Variants in TTL observed in about 807,000 individuals in gnomAD.
The protein encoded by TTL is tubulin--tyrosine ligase.
Under a neutral mutation model 41.1 loss-of-function variants are expected in TTL, and 10 were observed. The observed-to-expected ratio is 0.24, with a 90% confidence interval of 0.15 to 0.41. The LOEUF is 0.41. Among genes scored for constraint, TTL ranks in the 10% least tolerant of loss-of-function variants. TTL has a pLI of 1.00. For missense variants in TTL, 367 were observed against 460.4 expected (o/e 0.80, Z 1.86); for synonymous variants, 175 against 175.5 (o/e 1.00, Z 0.02).
chr2:112,487,381 G>C lies in TTL; in HGVS notation c.236+1386G>C, dbSNP rs528286050. ...TTAGAATGCAAATGACTGTTACATG[G>C]AATCAGGAATAGAAGTGGGACATGC... is the stretch of plus-strand genomic sequence containing the variant. On this transcript the variant is annotated intron_variant, in intron 2 of 6. Coordinates refer to ENST00000233336, the MANE Select transcript of TTL (RefSeq NM_153712.5). 5.3e-5 allele frequency among the ~76,000 whole-genome samples: 8 copies of C among 152,302 alleles called. 1 individual carries two copies. The Middle Eastern group carries it at 0.014, about 259-fold the overall frequency.
At chr2:112,528,204 C>T (rs1052885136) in intron 6 of TTL, among the ~76,000 whole-genome samples, 3 of 152,168 alleles carry the variant, frequency 2.0e-5, no homozygotes, top group Non-Finnish European at 4.4e-5. Context: ...ATAGGCTTCC[C>T]TTTGTGGGTA....
At chr2:112,490,180 C>T (rs974862979) in intron 2 of TTL, among the ~76,000 whole-genome samples, 4 of 152,126 alleles carry the variant, frequency 2.6e-5, no homozygotes, top group Non-Finnish European at 5.9e-5. Flanking sequence ...CTTTCAGAGG[C>T]CAAGGCAGGT....
rs1681741200 is a variant in TTL at position 112,502,949 on chromosome 2, C to G, written c.643C>G (p.Leu215Val). The G allele has an allele frequency of 6.2e-7, 1 of 1,613,930 alleles. No homozygotes were observed. The change falls in exon 5 of 7, where the codon CTC becomes GTC. Residue 215 changes from leucine (L) to valine (V), a missense_variant. By Grantham distance (32) the Leu-to-Val change is conservative. Coordinates refer to ENST00000233336, the MANE Select transcript of TTL (RefSeq NM_153712.5). ...VLVDHQYNIYLYREGVLRTAS... is the reference protein window; with the variant it reads ...VLVDHQYNIYVYREGVLRTAS... ...GGTGGATCATCAGTATAATATCTAC[C>G]TCTATAGAGAGGGTGTGCTTCGGAC...
intron 5 of TTL, among the ~76,000 whole-genome samples, chr2:112,503,805 C>CTTTTTTTTTTT (rs70963002): frequency 8.8e-5 from 9 of 102,546 alleles, no homozygotes; most frequent in Admixed American, 2.3e-4. Context: ...CCGTAAACTT[C>CTTTTTTTTTTT]TTTTTTTTTT....
chr2:112,528,640 T>C (rs1312131315), intron 6 of TTL, 41 bp from the exon 7 acceptor site: 31 of 1,545,398 alleles, frequency 2.0e-5, no homozygotes, highest in Admixed American at 3.4e-5. Context: ...GCTTGTACTT[T>C]GATGAACATC....
In TTL at chr2:112,502,978, T is replaced by G. The variant is rs151180080; in HGVS notation, c.672T>G (p.Ala224=). ...YLYREGVLRT[A]SEPYHVDNFQ... is the part of the protein sequence containing the mutation. ...ATAGAGAGGGTGTGCTTCGGACTGCTTCAGAACCATATCATGTTGATAATT... is the reference window on the plus strand; with the variant it reads ...ATAGAGAGGGTGTGCTTCGGACTGCGTCAGAACCATATCATGTTGATAATT... The change falls in exon 5 of 7, where the codon GCT becomes GCG. Residue 224 remains alanine, a synonymous_variant. Coordinates refer to ENST00000233336, the MANE Select transcript of TTL (RefSeq NM_153712.5). 19 of 1,614,102 alleles carry G rather than the reference T, an allele frequency of 1.2e-5. No homozygotes were observed. In the African/African-American group the frequency reaches 2.0e-4, roughly 17 times the overall value.
intron 2 of TTL, among the ~76,000 whole-genome samples, chr2:112,489,108 A>T (rs541355998): frequency 3.3e-4 from 51 of 152,352 alleles, no homozygotes; most frequent in Admixed American, 6.5e-4. Flanking sequence ...AAATTAATTT[A>T]AAAAACCCAA....
chr2:112,526,134 GC>G (rs1399707752), intron 6 of TTL, among the ~76,000 whole-genome samples: 3 of 152,212 alleles, frequency 2.0e-5, no homozygotes, highest in Non-Finnish European at 4.4e-5. Context: ...CAGGGATGAA[GC>G]CCACTTGATC....
chr2:112,528,709 A>T lies in TTL; in HGVS notation c.1048A>T (p.Ile350Phe), dbSNP rs1333920527. 2 of 1,613,364 alleles carry T rather than the reference A, an allele frequency of 1.2e-6. No homozygotes were observed. The highest frequency in any genetic ancestry group is 2.2e-5 in the East Asian group (1 of 44,878). ...GCTCTATGCAGAACTGTGCCAAGGC[A>T]TCGTGGACATAGCCATTTCCAGTGT... Reference protein sequence around the residue: ...QKLYAELCQGIVDIAISSVFP... With the variant: ...QKLYAELCQGFVDIAISSVFP... Residue 350 changes from isoleucine (I) to phenylalanine (F), a missense_variant, in exon 7 of 7, where the codon ATC becomes TTC. Physicochemically the swap from Ile to Phe is conservative, Grantham distance 21 (BLOSUM62 0). Coordinates refer to ENST00000233336, the MANE Select transcript of TTL (RefSeq NM_153712.5).
At chr2:112,495,974 AG>A (rs1468121007) in intron 3 of TTL, among the ~76,000 whole-genome samples, 3 of 152,252 alleles carry the variant, frequency 2.0e-5, no homozygotes, top group Non-Finnish European at 4.4e-5. Context: ...TGAGACAGGA[AG>A]GCCTCAACTG....
chr2:112,518,226 G>T (rs1399394861), intron 5 of TTL, among the ~76,000 whole-genome samples: 1 of 150,214 alleles, frequency 6.7e-6, no homozygotes, highest in African/African-American at 2.4e-5. Context: ...TGATCCATCT[G>T]CCTTGGCCTC....
At chr2:112,519,402 C>T (rs1682159248) in intron 5 of TTL, among the ~76,000 whole-genome samples, 1 of 152,142 alleles carries the variant, frequency 6.6e-6, no homozygotes, top group African/African-American at 2.4e-5. Flanking sequence ...TTTATTGTGT[C>T]ACTAAAATCC....
Position 112,494,230 on chromosome 2 carries a change from A to G in TTL, c.324A>G (p.Pro108=). ...TTTATCCAACCAATCTCAAGACTCC[A>G]GTTGCTCCAGCACAGAATGGAATTC... is the stretch of plus-strand genomic sequence containing the variant. ...YVIYPTNLKT[P]VAPAQNGIQP... is the part of the protein sequence containing the mutation. Residue 108 remains proline (P), a synonymous_variant, in exon 3 of 7, where the codon CCA becomes CCG. Transcript: ENST00000233336. 1 of 1,614,224 alleles carries G rather than the reference A, an allele frequency of 6.2e-7. No individual in the cohort carries two copies. Among genetic ancestry groups the G allele is most frequent in the South Asian group, 1.1e-5 (1 of 91,090 alleles).
rs1414546747 is a variant in TTL at position 112,540,578 on chromosome 2, C to A, written c.*11783C>A. On this transcript the variant is annotated 3_prime_UTR_variant, in exon 7 of 7. Transcript: ENST00000233336. Reference sequence around the variant, plus strand: ...CCTGATTTCAAAATTTATTACAAAGCTGTATTAATCAAATCTGTGTAGTTT... The same window carrying A: ...CCTGATTTCAAAATTTATTACAAAGATGTATTAATCAAATCTGTGTAGTTT... 1 of 152,134 alleles carries A rather than the reference C, an allele frequency of 6.6e-6. No individual in the cohort carries two copies. The highest frequency in any genetic ancestry group is 1.5e-5 in the Non-Finnish European group (1 of 68,016). 9.4% of individuals were successfully genotyped at this position (152,134 alleles called of 1,614,324 possible).
chr2:112,502,835 A>G, intron 4 of TTL, 77 bp from the exon 5 acceptor site: 1 of 1,490,166 alleles, frequency 6.7e-7, no homozygotes. Context: ...AAAGAAGTCA[A>G]GATGTGGGGA....
chr2:112,519,044 T>A (rs1682153000), intron 5 of TTL, among the ~76,000 whole-genome samples: 1 of 151,970 alleles, frequency 6.6e-6, no homozygotes, highest in Non-Finnish European at 1.5e-5. Context: ...TACACCAGAG[T>A]CATTGTAGCA....
rs1247928382 is a variant in TTL at position 112,535,079 on chromosome 2, A to T, written c.*6284A>T. ...TGAGAAAGAAAAAAGAGAAAGAAGA[A>T]AGAAAAGAAAAAAGGAAAGAAAGTT... On this transcript the variant is annotated 3_prime_UTR_variant, in exon 7 of 7. Coordinates refer to ENST00000233336, the MANE Select transcript of TTL (RefSeq NM_153712.5). The T allele has an allele frequency of 1.3e-5, 2 of 152,052 alleles. No individual in the cohort carries two copies. The highest frequency in any genetic ancestry group is 2.9e-5 in the Non-Finnish European group (2 of 68,008). The allele number at this position is 152,052 out of a possible 1,614,324, so 9.4% of individuals were successfully genotyped here. A position where few individuals can be genotyped will look rare whatever the true frequency, so the allele number is the denominator to read the frequency against.
chr2:112,495,651 T>A (rs1388422981), intron 3 of TTL, among the ~76,000 whole-genome samples: 1 of 152,050 alleles, frequency 6.6e-6, no homozygotes, highest in Non-Finnish European at 1.5e-5. Flanking sequence ...ATTGAGACCA[T>A]CCTGGCTAAC....
At chr2:112,520,692 T>C (rs1000002196) in intron 6 of TTL, 5 of 381,644 alleles carry the variant, frequency 1.3e-5, no homozygotes, top group African/African-American at 1.0e-4. Flanking sequence ...GACTGTCAGG[T>C]AGACTGTCTG....
Sources: allele counts gnomAD v4.1 joint callset (sites outside exome capture counted in the v4.1 genomes callset), GRCh38; gene constraint gnomAD v4.1.1; transcripts MANE v1.5; gene names NCBI Gene and HGNC (gene_info 2026-07-23, HGNC 2026-07-21).